The following PDS5B variants were observed in gnomAD, a reference collection of about 807,000 sequenced individuals.
PDS5B encodes PDS5 cohesin associated factor B, also known as sister chromatid cohesion protein PDS5 homolog B.
PDS5B carries 51 observed loss-of-function variants against 184.1 expected under a neutral mutation model. The ratio of observed to expected loss-of-function variants is 0.28; its 90% CI spans 0.22 to 0.35. PDS5B has a LOEUF of 0.35. PDS5B is among the 10% of genes least tolerant of loss of function. The pLI is 1.00. For missense variants in PDS5B, 1,180 were observed against 1,723.3 expected, an observed-to-expected ratio of 0.68 and a Z score of 5.58; for synonymous variants, 566 against 569.2, an observed-to-expected ratio of 0.99 and a Z score of 0.08.
intron 29 of PDS5B, among the ~76,000 whole-genome samples, chr13:32,759,992 T>A (rs1339346915): frequency 6.6e-6 from 1 of 152,024 alleles, no homozygotes; most frequent in Non-Finnish European, 1.5e-5. Context: ...ACGGAGTCTC[T>A]GTTGCCCAGG....
In PDS5B at chr13:32,702,082, C is replaced by T. The variant is rs145291637; in HGVS notation, c.1856+644C>T. On this transcript the variant is annotated intron_variant, in intron 17 of 34. Transcript: ENST00000315596. The stretch of plus-strand genomic sequence containing the variant: ...TAAAGTACTTATACAATATATATAG[C>T]GCATACTGACTTACTAGTTAGTCAT... Among the ~76,000 whole-genome samples the T allele has an allele frequency of 1.2e-3, 182 of 152,040 alleles. 1 individual carries two copies. Among genetic ancestry groups the T allele is most frequent in the African/African-American group, 4.2e-3 (174 of 41,456 alleles).
chr13:32,753,722 TC>T (rs1954069421), intron 25 of PDS5B, among the ~76,000 whole-genome samples, 186 bp downstream of exon 25: 1 of 152,212 alleles, frequency 6.6e-6, no homozygotes, highest in Admixed American at 6.5e-5. Flanking sequence ...TACTTAAATA[TC>T]AACCTATATC....
In PDS5B at chr13:32,741,173, G is replaced by C. The variant is rs749170411; in HGVS notation, c.2475+25G>C. On this transcript the variant is annotated intron_variant, in intron 22 of 34. Coordinates refer to ENST00000315596, the MANE Select transcript of PDS5B (RefSeq NM_015032.4). ...AGTGAGTAATGTGCATAGATCTATT[G>C]ATTTTAATATAATCACCACATTGTA... The C allele has an allele frequency of 4.2e-6, 5 of 1,176,956 alleles. No homozygotes were observed. In the African/African-American group the frequency reaches 7.7e-5, roughly 18 times the overall value. The allele number at this position is 1,176,956 out of a possible 1,614,324, so 72.9% of individuals were successfully genotyped here.
intron 6 of PDS5B, among the ~76,000 whole-genome samples, chr13:32,661,410 A>AC (rs1950644008): frequency 7.5e-6 from 1 of 133,634 alleles, no homozygotes; most frequent in African/African-American, 2.8e-5. Flanking sequence ...AAAAAAAAAA[A>AC]CAGAAAAAGA....
chr13:32,653,773 A>G (rs1950428895), intron 3 of PDS5B, among the ~76,000 whole-genome samples: 3 of 152,172 alleles, frequency 2.0e-5, no homozygotes, highest in Non-Finnish European at 4.4e-5. Context: ...GAGATACTTA[A>G]TTGGTTTAAG....
intron 32 of PDS5B, 26 bp downstream of exon 32, chr13:32,770,586 A>C (rs1273708407): frequency 6.2e-7 from 1 of 1,601,112 alleles, no homozygotes; most frequent in South Asian, 1.1e-5. Flanking sequence ...TCTAAACTGC[A>C]TCTGTTTCGT....
chr13:32,598,182 T>TTTC (rs2057910823), intron 1 of PDS5B, among the ~76,000 whole-genome samples: 1 of 151,456 alleles, frequency 6.6e-6, no homozygotes, highest in Non-Finnish European at 1.5e-5. Context: ...TTCAAGCAAT[T>TTTC]CTGCCTCAGC....
rs189929024 is a variant in PDS5B, at chr13:32,611,655, G to A, written c.-20+25062G>A. On this transcript the variant is annotated intron_variant, in intron 1 of 34. Transcript: ENST00000315596. ...CCTGAGTAGCTGGGACTACAGGTGCGTGCCACCACTCCCTGCTAAGTTTTT... is the reference window on the plus strand; with the variant it reads ...CCTGAGTAGCTGGGACTACAGGTGCATGCCACCACTCCCTGCTAAGTTTTT... 6.5e-4 allele frequency among the ~76,000 whole-genome samples: 99 copies of A among 151,744 alleles called. 1 individual carries two copies. The South Asian group carries it at 6.7e-3, about 10-fold the overall frequency.
intron 6 of PDS5B, among the ~76,000 whole-genome samples, chr13:32,665,588 C>CAAAAAAAAAAAAAAAAAAA (rs34604938): frequency 7.7e-5 from 2 of 25,882 alleles, no homozygotes; most frequent in African/African-American, 1.7e-4. Context: ...GACTCCGACT[C>CAAAAAAAAAAAAAAAAAAA]AAAAAAAAAA....
chr13:32,624,779 A>G (rs921247159), intron 1 of PDS5B, among the ~76,000 whole-genome samples: 2 of 152,168 alleles, frequency 1.3e-5, no homozygotes, highest in African/African-American at 4.8e-5. Context: ...AGGATTTGTC[A>G]TCTACCTGGG....
intron 1 of PDS5B, among the ~76,000 whole-genome samples, chr13:32,620,465 G>A (rs1306713739): frequency 3.9e-5 from 6 of 151,924 alleles, no homozygotes; most frequent in Non-Finnish European, 7.4e-5. Context: ...AGACCATCCT[G>A]TAAATGGTGA....
chr13:32,727,676 G>T (rs1952958918), intron 19 of PDS5B, among the ~76,000 whole-genome samples: 1 of 151,938 alleles, frequency 6.6e-6, no homozygotes, highest in Non-Finnish European at 1.5e-5. Context: ...ATCAATCCTT[G>T]TTCCTCTGTT....
intron 1 of PDS5B, among the ~76,000 whole-genome samples, chr13:32,631,818 T>C (rs1277853621): frequency 6.6e-6 from 1 of 152,132 alleles, no homozygotes; most frequent in African/African-American, 2.4e-5. Flanking sequence ...CCTGAAGTTG[T>C]GTTCTAAACT....
chr13:32,752,183 A>G (rs1330059239), intron 24 of PDS5B, among the ~76,000 whole-genome samples: 1 of 152,206 alleles, frequency 6.6e-6, no homozygotes, highest in African/African-American at 2.4e-5. Flanking sequence ...TTTAAGAACA[A>G]GGGAGACCAC....
chr13:32,742,313 T>C (rs1384959614), intron 22 of PDS5B, among the ~76,000 whole-genome samples: 1 of 152,210 alleles, frequency 6.6e-6, no homozygotes, highest in Non-Finnish European at 1.5e-5. Context: ...AGGTTAAGCA[T>C]GATTTTACTG....
At chr13:32,754,431 AAC>A (rs754501251) in intron 25 of PDS5B, among the ~76,000 whole-genome samples, 44 of 152,272 alleles carry the variant, frequency 2.9e-4, no homozygotes, top group East Asian at 1.9e-3. Flanking sequence ...AAATTTGTGT[AAC>A]AGTCTTTTTT....
rs745341774 is a variant in PDS5B at position 32,590,311 on chromosome 13, A to G, written c.-20+3718A>G. The stretch of plus-strand genomic sequence containing the variant: ...ATTACCTGATTCAATTAAAATGAAC[A>G]GGTACAAAACTTCCATATACATACA... On this transcript the variant is annotated intron_variant, in intron 1 of 34. Transcript: ENST00000315596. Among the ~76,000 whole-genome samples the G allele has an allele frequency of 6.6e-5, 10 of 152,332 alleles. No homozygotes were observed. The East Asian group carries it at 1.7e-3, about 26-fold the overall frequency.
chr13:32,683,975 C>T lies in PDS5B; in HGVS notation c.1155C>T (p.Val385=), dbSNP rs201883179. 1,528 of 1,584,590 alleles carry T rather than the reference C, an allele frequency of 9.6e-4. 15 individuals are homozygous for T. The highest frequency in any genetic ancestry group is 8.1e-4 in the East Asian group (36 of 44,308). Residue 385 remains valine (V), a synonymous_variant, in exon 11 of 35, where the codon GTC becomes GTT. Coordinates refer to ENST00000315596, the MANE Select transcript of PDS5B (RefSeq NM_015032.4). ...CTGCTAAAAAGGATATTCTTCTGGT[C>T]AATGATCACTTACTTAATTTTGTGA... The part of the protein sequence containing the change: ...VTAAKKDILL[V]NDHLLNFVRE...
chr13:32,633,344 A>G (rs920739453), intron 1 of PDS5B, among the ~76,000 whole-genome samples: 3 of 152,228 alleles, frequency 2.0e-5, no homozygotes, highest in African/African-American at 7.2e-5. Context: ...TATTAGATCT[A>G]AAACTATTGA....
Sources: gnomAD v4.1 joint callset for allele counts (sites outside exome capture counted in the v4.1 genomes callset) on GRCh38, gnomAD v4.1.1 for gene constraint, MANE v1.5 for transcripts, NCBI Gene and HGNC (gene_info 2026-07-23, HGNC 2026-07-21) for gene names.